Variants in ENTREP2 observed in about 807,000 individuals in gnomAD.
ENTREP2 encodes the protein protein ENTREP2.
the ENTREP2 span, among the ~76,000 whole-genome samples, chr15:29,460,765 T>G: frequency 1.6e-4 from 24 of 152,118 alleles, no homozygotes; most frequent in African/African-American, 5.8e-4. Context: ...AAGCTAACAA[T>G]TCTAAATTCT....
the ENTREP2 span, among the ~76,000 whole-genome samples, chr15:29,346,111 A>T: frequency 6.6e-6 from 1 of 152,340 alleles, no homozygotes; most frequent in South Asian, 2.1e-4. Context: ...ACTCAAAGGC[A>T]GAAGCTGCGC....
chr15:29,515,242 G>C, the ENTREP2 span, among the ~76,000 whole-genome samples: 5 of 152,166 alleles, frequency 3.3e-5, no homozygotes, highest in Admixed American at 3.3e-4. Flanking sequence ...GTCCTGACCC[G>C]AGGACTGCTT....
At chr15:29,340,758 G>A in the ENTREP2 span, among the ~76,000 whole-genome samples, 3 of 152,118 alleles carry the variant, frequency 2.0e-5, no homozygotes, top group Non-Finnish European at 2.9e-5. Context: ...ATCTGGCAAG[G>A]TGGCCGAGGA....
chr15:29,241,713 T>C, the ENTREP2 span, among the ~76,000 whole-genome samples: 1 of 152,164 alleles, frequency 6.6e-6, no homozygotes, highest in Non-Finnish European at 1.5e-5. Context: ...AAGAAAAGTA[T>C]GATGGGAAAT....
chr15:29,403,266 A>G, the ENTREP2 span, among the ~76,000 whole-genome samples: 2 of 152,232 alleles, frequency 1.3e-5, no homozygotes, highest in African/African-American at 4.8e-5. Flanking sequence ...AATTCCAACC[A>G]GGACCCAAAC....
the ENTREP2 span, among the ~76,000 whole-genome samples, chr15:29,615,327 T>C: frequency 8.3e-4 from 127 of 152,218 alleles, 3 homozygotes; most frequent in East Asian, 0.023. Context: ...GGCTAATTCT[T>C]GTATTTTTAA....
chr15:29,533,967 C>T, the ENTREP2 span, among the ~76,000 whole-genome samples: 3 of 151,980 alleles, frequency 2.0e-5, no homozygotes, highest in Non-Finnish European at 4.4e-5. Context: ...GGACTCCCCA[C>T]GGCTCAGGAA....
At chr15:29,395,383 T>C in the ENTREP2 span, among the ~76,000 whole-genome samples, 1 of 152,182 alleles carries the variant, frequency 6.6e-6, no homozygotes, top group Non-Finnish European at 1.5e-5. Context: ...AAGTGAAATA[T>C]GGTAATTCTA....
At chr15:29,280,629 C>CA in the ENTREP2 span, among the ~76,000 whole-genome samples, 2 of 152,312 alleles carry the variant, frequency 1.3e-5, no homozygotes, top group East Asian at 1.9e-4. Context: ...AATGCCCCCC[C>CA]ACACAGGTTA....
chr15:29,481,389 C>A, the ENTREP2 span, among the ~76,000 whole-genome samples: 1 of 152,126 alleles, frequency 6.6e-6, no homozygotes, highest in Non-Finnish European at 1.5e-5. Flanking sequence ...AGTAGTAAGG[C>A]CCTCAGGGAC....
chr15:29,556,589 A>G, the ENTREP2 span, among the ~76,000 whole-genome samples: 1 of 152,172 alleles, frequency 6.6e-6, no homozygotes, highest in Non-Finnish European at 1.5e-5. Context: ...AAAAACAGAT[A>G]CTGACTCTGA....
the ENTREP2 span, chr15:29,117,984 C>T: frequency 3.3e-5 from 5 of 152,534 alleles, no homozygotes; most frequent in Non-Finnish European, 5.9e-5. Context: ...CTAGAAAACG[C>T]GACCTTGGCC....
At chr15:29,535,686 C>T in the ENTREP2 span, among the ~76,000 whole-genome samples, 1 of 152,042 alleles carries the variant, frequency 6.6e-6, no homozygotes, top group Admixed American at 6.6e-5. Flanking sequence ...AAGACCCTGT[C>T]TCAAAAAACA....
At chr15:29,446,355 G>C in the ENTREP2 span, among the ~76,000 whole-genome samples, 13 of 152,198 alleles carry the variant, frequency 8.5e-5, no homozygotes, top group Non-Finnish European at 1.5e-4. Context: ...AAGAGGTGAG[G>C]GGGGAAGTCT....
chr15:29,421,698 C>G, the ENTREP2 span, among the ~76,000 whole-genome samples: 1 of 152,116 alleles, frequency 6.6e-6, no homozygotes, highest in African/African-American at 2.4e-5. Flanking sequence ...ATAAAACCTA[C>G]AGGAAAACAG....
chr15:29,128,832 G>C, the ENTREP2 span: 1 of 1,550,834 alleles, frequency 6.4e-7, no homozygotes, highest in Non-Finnish European at 8.7e-7. Flanking sequence ...CCCCGGAGCT[G>C]GACTCGGCCA....
At chr15:29,490,911 A>G in the ENTREP2 span, among the ~76,000 whole-genome samples, 7,312 of 152,244 alleles carry the variant, frequency 0.048, 550 homozygotes, top group African/African-American at 0.17. Flanking sequence ...CTGGACGCCT[A>G]TGGAGCAGGG....
At chr15:29,380,347 A>G in the ENTREP2 span, among the ~76,000 whole-genome samples, 2 of 152,330 alleles carry the variant, frequency 1.3e-5, no homozygotes, top group Non-Finnish European at 2.9e-5. Flanking sequence ...GGTGTTTTTA[A>G]TAGACAAATG....
the ENTREP2 span, among the ~76,000 whole-genome samples, chr15:29,227,958 TAAG>T: frequency 6.6e-6 from 1 of 150,400 alleles, no homozygotes; most frequent in Non-Finnish European, 1.5e-5. Context: ...CTCATAAACA[TAAG>T]TAGACAAAAC....
Sources: gnomAD v4.1 joint callset for allele counts (sites outside exome capture counted in the v4.1 genomes callset) on GRCh38, gnomAD v4.1.1 for gene constraint, MANE v1.5 for transcripts, NCBI Gene and HGNC (gene_info 2026-07-23, HGNC 2026-07-21) for gene names.